Variants in KLHL3 observed in about 807,000 individuals in gnomAD.
KLHL3 encodes kelch-like protein 3.
Under a neutral mutation model 70.5 loss-of-function variants are expected in KLHL3, and 19 were observed. The observed-to-expected ratio is 0.27, with a 90% CI of 0.19 to 0.40. The LOEUF (loss-of-function observed/expected upper bound fraction) is 0.40. KLHL3 is among the 10% of genes least tolerant of loss of function. KLHL3 has a pLI of 1.00. For synonymous variants in KLHL3, 258 were observed against 290.3 expected, an observed-to-expected ratio of 0.89 and a Z score of 1.13; for missense variants, 512 against 771.1, an observed-to-expected ratio of 0.66 and a Z score of 3.98.
chr5:137,648,841 G>T (rs2149890811), intron 8 of KLHL3, among the ~76,000 whole-genome samples: 1 of 152,320 alleles, frequency 6.6e-6, no homozygotes, highest in South Asian at 2.1e-4. Context: ...AGCCTATCTG[G>T]ACTGAATTTA....
At chr5:137,673,544 G>A (rs1328821911) in intron 6 of KLHL3, 1 of 152,040 alleles carries the variant, frequency 6.6e-6, no homozygotes, top group African/African-American at 2.4e-5. Context: ...GGAAAAACAA[G>A]AGCAAAAATG....
intron 5 of KLHL3, 33 bp downstream of exon 5, chr5:137,692,252 C>T (rs759152433): frequency 1.9e-6 from 3 of 1,592,520 alleles, no homozygotes; most frequent in East Asian, 4.5e-5. Context: ...TCCACAAACT[C>T]GGAGGAGGTG....
At chr5:137,721,234 A>G (rs1752990519) in intron 1 of KLHL3, 1 of 152,450 alleles carries the variant, frequency 6.6e-6, no homozygotes, top group Non-Finnish European at 1.5e-5. Context: ...CAGTATGCAC[A>G]AAGACCTGGA....
intron 3 of KLHL3, among the ~76,000 whole-genome samples, chr5:137,709,141 T>A (rs1485028289): frequency 7.9e-5 from 12 of 152,240 alleles, no homozygotes; most frequent in African/African-American, 2.2e-4. Flanking sequence ...CCTGGAAAGT[T>A]GGCAAAGGTG....
intron 12 of KLHL3, among the ~76,000 whole-genome samples, chr5:137,630,164 G>T (rs1750599089): frequency 6.6e-6 from 1 of 152,182 alleles, no homozygotes; most frequent in African/African-American, 2.4e-5. Flanking sequence ...GTGAAGCACT[G>T]AAGAAAGGCT....
chr5:137,699,585 T>C (rs116316565), intron 3 of KLHL3, among the ~76,000 whole-genome samples: 3,209 of 152,186 alleles, frequency 0.021, 118 homozygotes, highest in African/African-American at 0.073. Flanking sequence ...ATAACGGCAA[T>C]AGCAGCACCA....
chr5:137,622,536 G>A (rs1750338405), intron 14 of KLHL3, among the ~76,000 whole-genome samples: 1 of 152,244 alleles, frequency 6.6e-6, no homozygotes, highest in Admixed American at 6.5e-5. Flanking sequence ...CTGGAATGAA[G>A]CGGAAAGTAC....
At chr5:137,676,798 A>C (rs6888113) in intron 6 of KLHL3, among the ~76,000 whole-genome samples, 30,189 of 152,156 alleles carry the variant, frequency 0.2, 3,187 homozygotes, top group Non-Finnish European at 0.24. Flanking sequence ...GCTGGCCAAC[A>C]CTGAAGCTTA....
chr5:137,722,199 G>C (rs1372006650), intron 1 of KLHL3, among the ~76,000 whole-genome samples: 1 of 152,180 alleles, frequency 6.6e-6, no homozygotes, highest in African/African-American at 2.4e-5. Context: ...TCAGAGGCCT[G>C]AGAATCACTA....
At chr5:137,735,494 T>G in intron 1 of KLHL3, 139 bp downstream of exon 1, 1 of 723,792 alleles carries the variant, frequency 1.4e-6, no homozygotes, top group Non-Finnish European at 2.6e-6. Flanking sequence ...GCTCTTGTTC[T>G]GGCGCCCTTT....
At chr5:137,661,839 C>G (rs367990788) in intron 7 of KLHL3, 76 bp downstream of exon 7, 13 of 823,320 alleles carry the variant, frequency 1.6e-5, no homozygotes, top group African/African-American at 1.4e-4. Flanking sequence ...CTACTCCATC[C>G]AACCAGGATT....
chr5:137,692,618 C>T, intron 4 of KLHL3, 171 bp from the exon 5 acceptor site: 2 of 612,202 alleles, frequency 3.3e-6, no homozygotes, highest in Non-Finnish European at 5.9e-6. Flanking sequence ...CTACTCTGCC[C>T]TTCACGGACC....
chr5:137,677,364 C>T (rs1171826393), intron 6 of KLHL3, 181 bp downstream of exon 6: 6 of 462,290 alleles, frequency 1.3e-5, no homozygotes, highest in Admixed American at 8.1e-5. Context: ...AGGGGAATCA[C>T]TTGAACCTGG....
At chr5:137,717,350 T>C (rs912988378) in intron 2 of KLHL3, among the ~76,000 whole-genome samples, 1 of 152,236 alleles carries the variant, frequency 6.6e-6, no homozygotes, top group Non-Finnish European at 1.5e-5. Context: ...GCTACAGACT[T>C]GTCGCCATTA....
intron 8 of KLHL3, among the ~76,000 whole-genome samples, chr5:137,654,701 C>CT (rs1275487013): frequency 3.9e-5 from 6 of 152,186 alleles, no homozygotes; most frequent in African/African-American, 1.4e-4. Flanking sequence ...TGTCTTCTTT[C>CT]TTTCTTTCTT....
rs1304347756 is a variant in KLHL3 at position 137,619,152 on chromosome 5, T to C, written c.*2946A>G. The C allele has an allele frequency of 6.5e-6, 1 of 152,684 alleles. No homozygotes were observed. Among genetic ancestry groups the C allele is most frequent in the Non-Finnish European group, 1.5e-5 (1 of 68,038 alleles). 9.5% of individuals were successfully genotyped at this position (152,684 alleles called of 1,614,324 possible). ...TAAAAAGGCAATCTTTGAAAGGATCTGGCTCAGAAATATACAAACATTACA... is the reference window on the plus strand; with the variant it reads ...TAAAAAGGCAATCTTTGAAAGGATCCGGCTCAGAAATATACAAACATTACA... On this transcript the variant is annotated 3_prime_UTR_variant, in exon 15 of 15. Transcript: ENST00000309755.
At chr5:137,680,187 C>T (rs995541428) in intron 5 of KLHL3, among the ~76,000 whole-genome samples, 17 of 152,336 alleles carry the variant, frequency 1.1e-4, no homozygotes, top group Admixed American at 2.0e-4. Context: ...AGATACCTTC[C>T]TGAATCATCT....
chr5:137,717,468 T>G (rs1752916408), intron 2 of KLHL3, among the ~76,000 whole-genome samples: 1 of 151,568 alleles, frequency 6.6e-6, no homozygotes, highest in South Asian at 2.1e-4. Context: ...AGGTGGAGGT[T>G]GCAATGAGCC....
intron 4 of KLHL3, among the ~76,000 whole-genome samples, chr5:137,692,851 C>CACAA (rs1417323843): frequency 6.6e-6 from 1 of 151,596 alleles, no homozygotes; most frequent in African/African-American, 2.4e-5. Flanking sequence ...CACACACACA[C>CACAA]ACAATGGTTC....
Sources: allele counts gnomAD v4.1 joint callset (sites outside exome capture counted in the v4.1 genomes callset), GRCh38; gene constraint gnomAD v4.1.1; transcripts MANE v1.5; gene names NCBI Gene and HGNC (gene_info 2026-07-23, HGNC 2026-07-21).